Variants in GIPC2 observed in about 807,000 individuals in gnomAD.
The protein encoded by GIPC2 is GIPC PDZ domain containing family member 2.
Under a neutral mutation model 30.6 loss-of-function variants are expected in GIPC2, and 30 were observed. The ratio of observed to expected loss-of-function variants is 0.98; its 90% CI spans 0.73 to 1.33. GIPC2 has a LOEUF of 1.33. Among genes scored for constraint, GIPC2 ranks in the 40% most tolerant of loss-of-function variants. GIPC2 has a pLI of 0.00. For synonymous variants in GIPC2, 167 were observed against 150.0 expected, an observed-to-expected ratio of 1.11 and a Z score of -0.83; for missense variants, 414 against 390.3, an observed-to-expected ratio of 1.06 and a Z score of -0.51.
intron 2 of GIPC2, among the ~76,000 whole-genome samples, chr1:78,094,423 A>G (rs1193153598): frequency 1.3e-5 from 2 of 152,250 alleles, no homozygotes; most frequent in African/African-American, 4.8e-5. Context: ...AAATTACTTG[A>G]TCTTCTGAAG....
intron 3 of GIPC2, among the ~76,000 whole-genome samples, chr1:78,105,168 G>A (rs954403793): frequency 1.8e-4 from 27 of 151,834 alleles, no homozygotes; most frequent in African/African-American, 4.4e-4. Flanking sequence ...TTTTTTTATC[G>A]AATGCTCAGT....
Position 78,049,893 on chromosome 1 carries a change from CTTTTT to C in GIPC2, c.240+3576_240+3580del, listed in dbSNP as rs35263483. On this transcript the variant is annotated intron_variant, in intron 1 of 5. Coordinates refer to ENST00000370759, the MANE Select transcript of GIPC2 (RefSeq NM_017655.6). ...TCCAAATACGAACCCAGAAAAACCT[CTTTTT>C]TTTTTTTTTTTTTTTTGAGATGGAG... Among the ~76,000 whole-genome samples, 7 of 98,464 alleles carry C rather than the reference CTTTTT, an allele frequency of 7.1e-5. No homozygotes were observed. In the East Asian group the frequency reaches 1.2e-3, roughly 16 times the overall value. The allele number at this position is 98,464 out of a possible 152,430, so 64.6% of individuals were successfully genotyped here. A position where few individuals can be genotyped will look rare whatever the true frequency, so the allele number is the denominator to read the frequency against.
chr1:78,056,814 G>A (rs573949841), intron 1 of GIPC2, among the ~76,000 whole-genome samples: 1 of 152,220 alleles, frequency 6.6e-6, no homozygotes, highest in East Asian at 1.9e-4. Flanking sequence ...CCATTATATA[G>A]TTTTTTCATT....
chr1:78,137,143 G>A lies in GIPC2; in HGVS notation c.*1400G>A, dbSNP rs1663020941. Reference sequence around the variant, plus strand: ...CGATTAATTTGAAATCTGCACAGAAGCTGTTTTAGTCATTAATGTGTAACA... The same window carrying A: ...CGATTAATTTGAAATCTGCACAGAAACTGTTTTAGTCATTAATGTGTAACA... On this transcript the variant is annotated 3_prime_UTR_variant, in exon 6 of 6. Coordinates refer to ENST00000370759, the MANE Select transcript of GIPC2 (RefSeq NM_017655.6). The A allele has an allele frequency of 6.6e-6, 1 of 152,154 alleles. No homozygotes were observed. The highest frequency in any genetic ancestry group is 1.5e-5 in the Non-Finnish European group (1 of 68,006). 9.4% of individuals were successfully genotyped at this position (152,154 alleles called of 1,614,324 possible).
chr1:78,094,664 C>T (rs755568834), intron 2 of GIPC2: 37 of 207,148 alleles, frequency 1.8e-4, no homozygotes, highest in Non-Finnish European at 2.3e-4. Flanking sequence ...ATAAGGAAGA[C>T]GAAGAATGGT....
intron 3 of GIPC2, among the ~76,000 whole-genome samples, chr1:78,100,012 A>T (rs967359142): frequency 2.0e-5 from 3 of 152,224 alleles, no homozygotes; most frequent in Non-Finnish European, 4.4e-5. Context: ...AGACTGGGCA[A>T]TGAAGAGGCA....
At chr1:78,102,152 T>C (rs1003698403) in intron 3 of GIPC2, among the ~76,000 whole-genome samples, 1 of 152,170 alleles carries the variant, frequency 6.6e-6, no homozygotes, top group African/African-American at 2.4e-5. Flanking sequence ...GCATTTATGG[T>C]CTTTATTTTA....
rs544703070 is a variant in GIPC2, at chr1:78,135,955, A to G, written c.*212A>G. 24 of 415,566 alleles carry G rather than the reference A, an allele frequency of 5.8e-5. No individual in the cohort carries two copies. The highest frequency in any genetic ancestry group is 1.2e-3 in the Middle Eastern group (2 of 1,616). The allele number at this position is 415,566 out of a possible 1,614,324, so 25.7% of individuals were successfully genotyped here. A position where few individuals can be genotyped will look rare whatever the true frequency, so the allele number is the denominator to read the frequency against. On this transcript the variant is annotated 3_prime_UTR_variant, in exon 6 of 6. Transcript: ENST00000370759. ...AGTATGCTTAAGAGAAATGACCTAA[A>G]TAAGGATCAATTGTAATATTCATTC...
At chr1:78,082,619 GTCTT>G (rs1432270829) in intron 2 of GIPC2, among the ~76,000 whole-genome samples, 1 of 152,168 alleles carries the variant, frequency 6.6e-6, no homozygotes, top group Non-Finnish European at 1.5e-5. Flanking sequence ...TTCAGAGCTT[GTCTT>G]TCTATTTTTT....
At chr1:78,080,177 A>G (rs1427976995) in intron 1 of GIPC2, among the ~76,000 whole-genome samples, 2 of 152,192 alleles carry the variant, frequency 1.3e-5, no homozygotes, top group Non-Finnish European at 2.9e-5. Context: ...AGGCTTGCCT[A>G]TATTTTAATT....
Position 78,095,135 on chromosome 1 carries a change from A to G in GIPC2, c.607+3A>G. On this transcript the variant is annotated splice_donor_region_variant and intron_variant, in intron 3 of 5. Coordinates refer to ENST00000370759, the MANE Select transcript of GIPC2 (RefSeq NM_017655.6). ...AATAGAACCTAAGAAGGCATTTGGT[A>G]AGTCAGGGGTTGGTGGGCGGGTGTG... The G allele has an allele frequency of 6.2e-7, 1 of 1,606,980 alleles. No individual in the cohort carries two copies.
At chr1:78,082,107 A>G (rs189702052) in intron 2 of GIPC2, among the ~76,000 whole-genome samples, 93 of 152,274 alleles carry the variant, frequency 6.1e-4, no homozygotes, top group Non-Finnish European at 9.3e-4. Flanking sequence ...AAAGATGCCT[A>G]TGAGATCCAT....
chr1:78,091,981 C>T, intron 2 of GIPC2: 1 of 1,320,796 alleles, frequency 7.6e-7, no homozygotes, highest in Non-Finnish European at 1.1e-6. Context: ...AGAACTTCAA[C>T]CCCACAGTGA....
At chr1:78,097,310 AG>A (rs1452035611) in intron 3 of GIPC2, among the ~76,000 whole-genome samples, 1 of 152,168 alleles carries the variant, frequency 6.6e-6, no homozygotes, top group African/African-American at 2.4e-5. Flanking sequence ...TTCTACCAGG[AG>A]AAGGGCCAGT....
At chr1:78,058,276 G>C (rs1375319278) in intron 1 of GIPC2, among the ~76,000 whole-genome samples, 2 of 152,146 alleles carry the variant, frequency 1.3e-5, no homozygotes, top group Admixed American at 1.3e-4. Flanking sequence ...AGGGGTACAT[G>C]AAAAATCATG....
At chr1:78,087,705 A>G (rs947816668) in intron 2 of GIPC2, among the ~76,000 whole-genome samples, 1 of 152,234 alleles carries the variant, frequency 6.6e-6, no homozygotes, top group South Asian at 2.1e-4. Context: ...GGAATGGGCA[A>G]AGATTTCATG....
At chr1:78,079,107 CTTA>C (rs1192256957) in intron 1 of GIPC2, among the ~76,000 whole-genome samples, 2 of 152,080 alleles carry the variant, frequency 1.3e-5, no homozygotes, top group Non-Finnish European at 2.9e-5. Flanking sequence ...TGTGCAAAAA[CTTA>C]TTATCTACAA....
intron 5 of GIPC2, among the ~76,000 whole-genome samples, chr1:78,133,751 TG>T (rs912152609): frequency 0.11 from 36 of 320 alleles, no homozygotes; most frequent in African/African-American, 0.24. Flanking sequence ...AAAAAAAAAT[TG>T]TGTGTGTGTG....
chr1:78,091,372 C>T, intron 2 of GIPC2: 1 of 498,844 alleles, frequency 2.0e-6, no homozygotes, highest in Non-Finnish European at 3.7e-6. Context: ...ACATGTAGCT[C>T]AGAGTCTGGT....
Sources: gnomAD v4.1 joint callset for allele counts (sites outside exome capture counted in the v4.1 genomes callset) on GRCh38, gnomAD v4.1.1 for gene constraint, MANE v1.5 for transcripts, NCBI Gene and HGNC (gene_info 2026-07-23, HGNC 2026-07-21) for gene names.